PTPRD: variants seen among roughly 807,000 people sequenced by gnomAD.
The protein encoded by PTPRD is protein tyrosine phosphatase receptor type D.
PTPRD carries 34 observed loss-of-function variants against 214.5 expected under a neutral mutation model. The observed-to-expected ratio is 0.16, with a 90% CI of 0.12 to 0.21. The LOEUF is 0.21. Among genes scored for constraint, PTPRD ranks in the 10% least tolerant of loss-of-function variants. PTPRD has a pLI of 1.00. For synonymous variants in PTPRD, 1,128 were observed against 845.7 expected (o/e 1.33, Z -5.79); for missense variants, 2,545 against 2,398.7 (o/e 1.06, Z -1.27).
chr9:10,377,189 C>T lies in PTPRD; in HGVS notation c.-599-36172G>A, dbSNP rs148160844. Among the ~76,000 whole-genome samples the T allele has an allele frequency of 6.8e-3, 1,027 of 152,020 alleles. 8 individuals carry two copies. Among genetic ancestry groups the T allele is most frequent in the African/African-American group, 0.023 (964 of 41,492 alleles). Reference sequence around the variant, plus strand: ...TCTGTGCCTGGCTTATTTCACTTAGCATAATGATCTCCAATTCCATCCATG... The same window carrying T: ...TCTGTGCCTGGCTTATTTCACTTAGTATAATGATCTCCAATTCCATCCATG... On this transcript the variant is annotated intron_variant, in intron 2 of 45. Coordinates refer to ENST00000381196, the MANE Select transcript of PTPRD (RefSeq NM_002839.4).
intron 39 of PTPRD, among the ~76,000 whole-genome samples, chr9:8,371,891 G>A (rs993116437): frequency 6.6e-6 from 1 of 151,948 alleles, no homozygotes; most frequent in African/African-American, 2.4e-5. Flanking sequence ...ATCAGAAGAT[G>A]GCCCAAGGAG....
chr9:9,967,972 T>C (rs1047869074), intron 4 of PTPRD, among the ~76,000 whole-genome samples: 8 of 152,268 alleles, frequency 5.3e-5, no homozygotes, highest in Middle Eastern at 6.8e-3. Context: ...GAATTTGATA[T>C]CCACATTAGA....
At chr9:10,592,890 G>C (rs920767931) in intron 2 of PTPRD, among the ~76,000 whole-genome samples, 1 of 151,752 alleles carries the variant, frequency 6.6e-6, no homozygotes, top group Non-Finnish European at 1.5e-5. Flanking sequence ...AGCTGGCCAC[G>C]CTAGCCCAGC....
chr9:10,173,591 A>T (rs2099225941), intron 3 of PTPRD, among the ~76,000 whole-genome samples: 1 of 152,122 alleles, frequency 6.6e-6, no homozygotes, highest in Non-Finnish European at 1.5e-5. Flanking sequence ...ACCATTTCCA[A>T]ATAACAATTG....
At chr9:8,983,397 A>C (rs2099323727) in intron 11 of PTPRD, among the ~76,000 whole-genome samples, 1 of 152,010 alleles carries the variant, frequency 6.6e-6, no homozygotes, top group South Asian at 2.1e-4. Flanking sequence ...CTTACCTCTT[A>C]TGTTTTCCTG....
chr9:9,489,767 G>A (rs1464422390), intron 8 of PTPRD, among the ~76,000 whole-genome samples: 2 of 152,006 alleles, frequency 1.3e-5, no homozygotes, highest in Admixed American at 6.6e-5. Context: ...TGTATCTGTG[G>A]AGCACCATGA....
At chr9:9,610,863 G>A (rs1040477651) in intron 7 of PTPRD, among the ~76,000 whole-genome samples, 7 of 152,010 alleles carry the variant, frequency 4.6e-5, no homozygotes, top group Non-Finnish European at 7.4e-5. Flanking sequence ...TTGAACTTTC[G>A]TTTCCAGTTT....
chr9:10,502,067 A>G (rs193149316), intron 2 of PTPRD, among the ~76,000 whole-genome samples: 1,971 of 152,054 alleles, frequency 0.013, 47 homozygotes, highest in African/African-American at 0.045. Context: ...TTTTAAGAAA[A>G]TAGTGTGCTA....
intron 2 of PTPRD, among the ~76,000 whole-genome samples, chr9:10,386,823 G>T: frequency 6.6e-6 from 1 of 151,802 alleles, no homozygotes; most frequent in South Asian, 2.1e-4. Context: ...TATATTAGGT[G>T]TAGGGTGAAT....
intron 2 of PTPRD, among the ~76,000 whole-genome samples, chr9:10,599,330 C>T (rs969506228): frequency 2.0e-5 from 3 of 151,674 alleles, no homozygotes; most frequent in Non-Finnish European, 2.9e-5. Flanking sequence ...CCAATAATTC[C>T]ACTTTGTTTC....
At chr9:10,381,275 C>T (rs2097819828) in intron 2 of PTPRD, among the ~76,000 whole-genome samples, 3 of 151,938 alleles carry the variant, frequency 2.0e-5, no homozygotes, top group South Asian at 4.1e-4. Flanking sequence ...ACTTAAACTG[C>T]CACCATTTCT....
intron 9 of PTPRD, among the ~76,000 whole-genome samples, chr9:9,264,798 T>A (rs1364904722): frequency 6.6e-6 from 1 of 151,376 alleles, no homozygotes; most frequent in Non-Finnish European, 1.5e-5. Context: ...GAATTGTGTA[T>A]GTCATAAACA....
intron 5 of PTPRD, among the ~76,000 whole-genome samples, chr9:9,822,728 C>T (rs2051226521): frequency 6.6e-6 from 1 of 151,610 alleles, no homozygotes; most frequent in South Asian, 2.1e-4. Context: ...ATCACTAATC[C>T]AAAATTCTGA....
At chr9:9,000,114 G>A (rs1490261888) in intron 11 of PTPRD, among the ~76,000 whole-genome samples, 3 of 152,010 alleles carry the variant, frequency 2.0e-5, no homozygotes, top group African/African-American at 7.2e-5. Context: ...TTGCACAAGA[G>A]ATGTGTCTAA....
chr9:9,858,042 A>G (rs1245314270), intron 5 of PTPRD, among the ~76,000 whole-genome samples: 1 of 152,228 alleles, frequency 6.6e-6, no homozygotes, highest in Non-Finnish European at 1.5e-5. Flanking sequence ...ACTCCTTAAC[A>G]CCAATCAGAA....
intron 2 of PTPRD, among the ~76,000 whole-genome samples, chr9:10,583,504 T>A (rs2072790252): frequency 6.6e-6 from 1 of 151,814 alleles, no homozygotes; most frequent in South Asian, 2.1e-4. Context: ...CAGGCTGGAC[T>A]GCCGTGGCGC....
intron 26 of PTPRD, among the ~76,000 whole-genome samples, chr9:8,495,775 G>A (rs1194728264): frequency 1.3e-5 from 2 of 152,104 alleles, no homozygotes. Context: ...CTGCTGCACT[G>A]GCAATCCCAT....
chr9:9,393,925 C>G (rs1358527359), intron 9 of PTPRD, among the ~76,000 whole-genome samples: 1 of 152,136 alleles, frequency 6.6e-6, no homozygotes, highest in Non-Finnish European at 1.5e-5. Context: ...CATGCCAACA[C>G]GAACTCCGCA....
At chr9:9,237,302 C>T (rs978026010) in intron 9 of PTPRD, among the ~76,000 whole-genome samples, 2 of 152,040 alleles carry the variant, frequency 1.3e-5, no homozygotes, top group African/African-American at 4.8e-5. Context: ...TGATGGCACA[C>T]ACTTGTAATC....
Sources: allele counts gnomAD v4.1 joint callset (sites outside exome capture counted in the v4.1 genomes callset), GRCh38; gene constraint gnomAD v4.1.1; transcripts MANE v1.5; gene names NCBI Gene and HGNC (gene_info 2026-07-23, HGNC 2026-07-21).